The following ZNF789 variants were observed in gnomAD, a reference collection of about 807,000 sequenced individuals.
The protein encoded by ZNF789 is zinc finger protein 789.
ZNF789 carries 11 observed loss-of-function variants against 15.6 expected under a neutral mutation model. The ratio of observed to expected loss-of-function variants is 0.70; its 90% confidence interval spans 0.44 to 1.16. The LOEUF (loss-of-function observed/expected upper bound fraction) is 1.16. Ranked by LOEUF, ZNF789 falls within the 50% of genes most tolerant of loss-of-function variation. The pLI is 0.00. For missense variants in ZNF789, 461 were observed against 512.6 expected (o/e 0.90, Z 0.97); for synonymous variants, 159 against 176.0 (o/e 0.90, Z 0.76).
At chr7:99,474,756 T>C (rs1799223653) in intron 1 of ZNF789, among the ~76,000 whole-genome samples, 1 of 152,108 alleles carries the variant, frequency 6.6e-6, no homozygotes, top group Admixed American at 6.6e-5. Context: ...GGATAGTTTT[T>C]AGAGTGTACC....
Position 99,475,386 on chromosome 7 carries a change from ACT to A in ZNF789, c.-54-1014_-54-1013del, listed in dbSNP as rs928145584. ...CTCCAGCCTGCACAACAAGAGTGAA[ACT>A]CTGTTTAAAAAAAAAAAAAAATCAA... is the stretch of plus-strand genomic sequence containing the variant. On this transcript the variant is annotated intron_variant, in intron 1 of 4. Coordinates refer to ENST00000331410, the MANE Select transcript of ZNF789 (RefSeq NM_213603.3). Among the ~76,000 whole-genome samples, 3 of 151,510 alleles carry A rather than the reference ACT, an allele frequency of 2.0e-5. 1 individual carries two copies. The highest frequency in any genetic ancestry group is 4.2e-4 in the South Asian group (2 of 4,792).
intron 2 of ZNF789, chr7:99,479,433 C>T (rs2151059024): frequency 2.5e-6 from 1 of 395,790 alleles, no homozygotes; most frequent in African/African-American, 2.1e-5. Context: ...AAATATTTAC[C>T]ATCTGGCCCT....
intron 3 of ZNF789, chr7:99,480,834 C>A (rs1313781584): frequency 1.3e-5 from 2 of 152,200 alleles, no homozygotes; most frequent in Non-Finnish European, 2.9e-5. Flanking sequence ...AAATAGTTTT[C>A]TTTCCGGGGT....
At chr7:99,486,443 G>T in intron 4 of ZNF789, 33 bp from the exon 5 acceptor site, 1 of 1,580,316 alleles carries the variant, frequency 6.3e-7, no homozygotes, top group South Asian at 1.2e-5. Context: ...GCAGTGGATA[G>T]GTCATTTACA....
At chr7:99,478,911 G>A (rs1478319241) in intron 2 of ZNF789, 1 of 154,274 alleles carries the variant, frequency 6.5e-6, no homozygotes, top group African/African-American at 2.4e-5. Context: ...GAAAACTGAG[G>A]TTGGGTTTCT....
At chr7:99,485,149 T>C (rs1799862023) in intron 4 of ZNF789, 2 of 1,531,464 alleles carry the variant, frequency 1.3e-6, no homozygotes, top group Non-Finnish European at 1.7e-6. Context: ...TTTGTTTTCA[T>C]ATTACTCCCG....
In ZNF789 at chr7:99,486,660, C is replaced by T. The variant is rs201851514; in HGVS notation, c.450C>T (p.Tyr150=). The change falls in exon 5 of 5, where the codon TAC becomes TAT. Residue 150 remains tyrosine (Y), a synonymous_variant. Coordinates refer to ENST00000331410, the MANE Select transcript of ZNF789 (RefSeq NM_213603.3). ...CTTTCCCTACTAGTGGTGATGAATA[C>T]AGCAGGGGCTTCCTTCAAAACCTTA... ...RLTFPTSGDE[Y]SRGFLQNLNL... is the part of the protein sequence containing the mutation. 1.2e-6 allele frequency: 2 copies of T among 1,614,178 alleles called. No individual in the cohort carries two copies. Among genetic ancestry groups the T allele is most frequent in the East Asian group, 2.2e-5 (1 of 44,886 alleles).
rs141420000 is a variant in ZNF789, at chr7:99,486,896, T to C, written c.686T>C (p.Phe229Ser). ...HQRIHFLENP[F>S]ECKVCGQAFR... is the part of the protein sequence containing the mutation. Reference sequence around the variant, plus strand: ...AGAATTCACTTTTTAGAGAATCCTTTTGAGTGTAAGGTCTGTGGGCAAGCC... The same window carrying C: ...AGAATTCACTTTTTAGAGAATCCTTCTGAGTGTAAGGTCTGTGGGCAAGCC... Residue 229 changes from phenylalanine (F) to serine (S), a missense_variant, in exon 5 of 5, where the codon TTT (phenylalanine) becomes TCT (serine). Phe to Ser is a radical substitution (Grantham distance 155). Coordinates refer to ENST00000331410, the MANE Select transcript of ZNF789 (RefSeq NM_213603.3). 11 of 1,614,132 alleles carry C rather than the reference T, an allele frequency of 6.8e-6. No homozygotes were observed. The highest frequency in any genetic ancestry group is 8.5e-6 in the Non-Finnish European group (10 of 1,180,030).
intron 3 of ZNF789, among the ~76,000 whole-genome samples, chr7:99,482,491 A>T (rs892476339): frequency 6.6e-6 from 1 of 152,164 alleles, no homozygotes; most frequent in African/African-American, 2.4e-5. Flanking sequence ...TGGATTAGGG[A>T]TGTTCAAACT....
At position 99,479,739 on chromosome 7, in the gene ZNF789, C is replaced by T. The variant is rs1562883383; in HGVS notation, c.103C>T (p.Leu35Phe). 1 of 1,613,956 alleles carries T rather than the reference C, an allele frequency of 6.2e-7. No homozygotes were observed. ...CCACCTCAACTGGGGTCAGAAGGAC[C>T]TCTACCGAGATGTGATGTTGGAGAA... ...WGHLNWGQKDLYRDVMLENYR... is the reference protein window; with the variant it reads ...WGHLNWGQKDFYRDVMLENYR... The change falls in exon 3 of 5, where the codon CTC becomes TTC. Residue 35 changes from leucine (L) to phenylalanine (F), a missense_variant. Transcript: ENST00000331410.
At chr7:99,476,069 C>T (rs892590010) in intron 1 of ZNF789, among the ~76,000 whole-genome samples, 3 of 152,112 alleles carry the variant, frequency 2.0e-5, no homozygotes, top group Non-Finnish European at 2.9e-5. Context: ...TCCCAAAGTG[C>T]TGGGATTATA....
intron 3 of ZNF789, among the ~76,000 whole-genome samples, chr7:99,483,325 A>G (rs1258327055): frequency 6.6e-6 from 1 of 151,380 alleles, no homozygotes; most frequent in Non-Finnish European, 1.5e-5. Context: ...TAAATAAATA[A>G]ATTTATAAAT....
intron 3 of ZNF789, 177 bp from the exon 4 acceptor site, chr7:99,483,853 G>A (rs996041361): frequency 6.4e-6 from 5 of 784,678 alleles, no homozygotes; most frequent in Non-Finnish European, 1.2e-5. Flanking sequence ...CACAGCCAAA[G>A]GTATGAACAT....
intron 3 of ZNF789, 189 bp downstream of exon 3, chr7:99,479,976 AT>A: frequency 1.4e-6 from 1 of 693,026 alleles, no homozygotes. Flanking sequence ...ATAGGAAACC[AT>A]TTATTGTCTT....
At chr7:99,478,206 A>C (rs1344650493) in intron 2 of ZNF789, 40 of 1,108,772 alleles carry the variant, frequency 3.6e-5, no homozygotes, top group Non-Finnish European at 4.8e-5. Context: ...TTAGGAGAGG[A>C]GTTACCATGC....
At chr7:99,482,961 T>G (rs1323810813) in intron 3 of ZNF789, among the ~76,000 whole-genome samples, 1 of 152,200 alleles carries the variant, frequency 6.6e-6, no homozygotes, top group African/African-American at 2.4e-5. Flanking sequence ...CTGGGCACGG[T>G]GGCTCACGCC....
At chr7:99,482,017 TTC>T in intron 3 of ZNF789, 1 of 636,274 alleles carries the variant, frequency 1.6e-6, no homozygotes, top group Non-Finnish European at 2.8e-6. Context: ...TTTCGGATTT[TTC>T]TTTTTTGGAT....
At chr7:99,485,159 G>A (rs541260583) in intron 4 of ZNF789, 121 of 1,533,628 alleles carry the variant, frequency 7.9e-5, no homozygotes, top group African/African-American at 7.1e-4. Flanking sequence ...TATTACTCCC[G>A]TATTTCCTGA....
intron 2 of ZNF789, among the ~76,000 whole-genome samples, chr7:99,477,360 G>A (rs1799390672): frequency 6.6e-6 from 1 of 151,320 alleles, no homozygotes; most frequent in Non-Finnish European, 1.5e-5. Flanking sequence ...TCTTTTTTTA[G>A]ACGGAGTCTC....
Sources: allele counts gnomAD v4.1 joint callset (sites outside exome capture counted in the v4.1 genomes callset), GRCh38; gene constraint gnomAD v4.1.1; transcripts MANE v1.5; gene names NCBI Gene and HGNC (gene_info 2026-07-23, HGNC 2026-07-21).